NRG1: variants seen among roughly 807,000 people sequenced by gnomAD.
NRG1 encodes neuregulin 1, also known as pro-neuregulin-1, membrane-bound isoform.
A neutral mutation model predicts 63.8 loss-of-function variants in NRG1; 18 were observed. The ratio of observed to expected loss-of-function variants is 0.28; its 90% CI spans 0.19 to 0.42. NRG1 has a LOEUF of 0.42. NRG1 is among the 10% of genes least tolerant of loss of function. NRG1 has a pLI of 1.00. For missense variants in NRG1, 762 were observed against 814.7 expected (o/e 0.94, Z 0.79); for synonymous variants, 302 against 301.3 (o/e 1.00, Z -0.02).
intron 1 of NRG1, among the ~76,000 whole-genome samples, chr8:32,191,205 C>A (rs998843610): frequency 6.6e-6 from 1 of 152,058 alleles, no homozygotes; most frequent in African/African-American, 2.4e-5. Flanking sequence ...CTGCCTCAGC[C>A]TCCTGAGTAG....
intron 1 of NRG1, among the ~76,000 whole-genome samples, chr8:32,338,384 G>T (rs1803608212): frequency 1.3e-5 from 2 of 152,208 alleles, no homozygotes; most frequent in South Asian, 4.2e-4. Context: ...GACATGGGTT[G>T]CTTTACAATT....
intron 1 of NRG1, among the ~76,000 whole-genome samples, chr8:32,048,442 CATACATATATATATATATATATAT>C (rs1401328743): frequency 2.4e-4 from 32 of 134,856 alleles, no homozygotes; most frequent in African/African-American, 6.9e-4. Flanking sequence ...CACATATATA[CATACATATATATATATATATATAT>C]ATATATATAT....
chr8:31,799,033 C>A (rs1821502710), intron 1 of NRG1, among the ~76,000 whole-genome samples: 1 of 151,990 alleles, frequency 6.6e-6, no homozygotes, highest in African/African-American at 2.4e-5. Flanking sequence ...TTTGAAGTTT[C>A]CTAATTTATT....
In NRG1 at chr8:32,316,472, C is replaced by CAAA. The variant is rs60206972; in HGVS notation, c.38-279339_38-279337dup. Among the ~76,000 whole-genome samples, 177 of 125,248 alleles carry CAAA rather than the reference C, an allele frequency of 1.4e-3. 2 individuals are homozygous for CAAA. The highest frequency in any genetic ancestry group is 5.2e-3 in the African/African-American group (168 of 32,566). The allele number at this position is 125,248 out of a possible 152,430, so 82.2% of individuals were successfully genotyped here. A position where few individuals can be genotyped will look rare whatever the true frequency, so the allele number is the denominator to read the frequency against. On this transcript the variant is annotated intron_variant, in intron 1 of 10. Coordinates refer to the NRG1 transcript ENST00000519301. ...GACTGGTGACAGAGGGAGACTCCATCAAAAAAAAAAAAAAAAAAAGAATCC... is the reference window on the plus strand; with the variant it reads ...GACTGGTGACAGAGGGAGACTCCATCAAAAAAAAAAAAAAAAAAAAAAGAATCC...
chr8:31,824,956 A>G (rs1824392335), intron 1 of NRG1, among the ~76,000 whole-genome samples: 1 of 152,226 alleles, frequency 6.6e-6, no homozygotes, highest in African/African-American at 2.4e-5. Flanking sequence ...GAAAAACATT[A>G]AATTTAGTTA....
At chr8:32,290,547 C>T (rs566764462) in intron 1 of NRG1, among the ~76,000 whole-genome samples, 1 of 152,082 alleles carries the variant, frequency 6.6e-6, no homozygotes, top group Non-Finnish European at 1.5e-5. Flanking sequence ...GACCTCCTCT[C>T]CTGAATGAGA....
rs1585843994 is a variant in NRG1 at position 31,711,912 on chromosome 8, C to T, written c.37+72481C>T. The stretch of plus-strand genomic sequence containing the variant: ...GTAGTCCCATGCTTAAAGGCTCTGC[C>T]CACATGACCTAATCACCTCCCAAAG... On this transcript the variant is annotated intron_variant, in intron 1 of 10. Transcript: ENST00000519301. 3.9e-5 allele frequency among the ~76,000 whole-genome samples: 6 copies of T among 152,226 alleles called. No individual in the cohort carries two copies. In the South Asian group the frequency reaches 1.2e-3, roughly 32 times the overall value.
At chr8:32,174,937 T>C (rs1840530595) in intron 1 of NRG1, among the ~76,000 whole-genome samples, 1 of 152,310 alleles carries the variant, frequency 6.6e-6, no homozygotes, top group South Asian at 2.1e-4. Flanking sequence ...TCTGAAACTA[T>C]TCCAATCAAT....
rs1055347922 is a variant in NRG1 at position 32,722,045 on chromosome 8, A to G, written c.503-5904A>G. 5.2e-6 allele frequency: 8 copies of G among 1,545,654 alleles called. No individual in the cohort carries two copies. In the Admixed American group the frequency reaches 6.0e-5, roughly 12 times the overall value. On this transcript the variant is annotated intron_variant, in intron 5 of 11. Transcript: ENST00000356819. Reference sequence around the variant, plus strand: ...CATAAGCATTGAAGATATTACAGGTAAGGTTAAAAAAAATCTGTAATTTTG... The same window carrying G: ...CATAAGCATTGAAGATATTACAGGTGAGGTTAAAAAAAATCTGTAATTTTG...
chr8:32,607,647 A>G (rs1274234188), intron 3 of NRG1, among the ~76,000 whole-genome samples: 1 of 152,148 alleles, frequency 6.6e-6, no homozygotes, highest in African/African-American at 2.4e-5. Flanking sequence ...CATAGGAAAA[A>G]CAGCTAATTC....
chr8:32,508,891 T>G lies in NRG1; in HGVS notation c.38-86937T>G, dbSNP rs1022459129. Reference sequence around the variant, plus strand: ...GCTGGACTATAGGCACACACCACCATGCCCAAATAATTTTTATATTCTTAG... The same window carrying G: ...GCTGGACTATAGGCACACACCACCAGGCCCAAATAATTTTTATATTCTTAG... On this transcript the variant is annotated intron_variant, in intron 1 of 10. Transcript: ENST00000519301. 2.0e-5 allele frequency among the ~76,000 whole-genome samples: 3 copies of G among 151,772 alleles called. No individual in the cohort carries two copies. The East Asian group carries it at 5.9e-4, about 30-fold the overall frequency.
At chr8:32,554,871 C>T (rs1834810621) in intron 1 of NRG1, among the ~76,000 whole-genome samples, 1 of 151,748 alleles carries the variant, frequency 6.6e-6, no homozygotes, top group Admixed American at 6.6e-5. Context: ...CCAGAGGGTG[C>T]TCCAGGAGCA....
chr8:32,339,648 T>G (rs1339479308), intron 1 of NRG1, among the ~76,000 whole-genome samples: 2 of 152,192 alleles, frequency 1.3e-5, no homozygotes, highest in Non-Finnish European at 2.9e-5. Context: ...TCTAATTTAA[T>G]CTGTACAACC....
In NRG1 at chr8:32,301,399, C is replaced by T. The variant is rs144669357; in HGVS notation, c.38-294429C>T. ...GAGGCAATAAAATCACATCAATGGTCGGTTACAAATGAAGTCATCCAGTTG... is the reference window on the plus strand; with the variant it reads ...GAGGCAATAAAATCACATCAATGGTTGGTTACAAATGAAGTCATCCAGTTG... On this transcript the variant is annotated intron_variant, in intron 1 of 10. Transcript: ENST00000519301. Among the ~76,000 whole-genome samples, 303 of 152,232 alleles carry T rather than the reference C, an allele frequency of 2.0e-3. 4 individuals are homozygous for T. The highest frequency in any genetic ancestry group is 0.014 in the East Asian group (71 of 5,178).
chr8:32,675,227 T>C (rs1806769435), intron 5 of NRG1, among the ~76,000 whole-genome samples: 1 of 152,230 alleles, frequency 6.6e-6, no homozygotes, highest in Non-Finnish European at 1.5e-5. Context: ...AGCTGTATAT[T>C]TTTTTCTTGA....
At chr8:31,691,502 G>T (rs1028879715) in intron 1 of NRG1, among the ~76,000 whole-genome samples, 1 of 147,378 alleles carries the variant, frequency 6.8e-6, no homozygotes, top group Non-Finnish European at 1.5e-5. Flanking sequence ...GGCTGAGGCG[G>T]GAGAACGGCA....
intron 1 of NRG1, among the ~76,000 whole-genome samples, chr8:31,771,669 A>G (rs574850153): frequency 6.6e-6 from 1 of 152,314 alleles, no homozygotes; most frequent in South Asian, 2.1e-4. Context: ...TTACCAAATC[A>G]TGAGGAGTGC....
At chr8:31,872,303 C>G (rs907857180) in intron 1 of NRG1, among the ~76,000 whole-genome samples, 4 of 152,074 alleles carry the variant, frequency 2.6e-5, no homozygotes, top group African/African-American at 9.7e-5. Flanking sequence ...CCACTTTTAT[C>G]CTTTTACCAT....
chr8:32,301,944 G>A (rs983553941), intron 1 of NRG1, among the ~76,000 whole-genome samples: 5 of 152,102 alleles, frequency 3.3e-5, no homozygotes, highest in Admixed American at 2.0e-4. Context: ...AGAAGGGTGC[G>A]GTGTGCTGAA....
Sources: allele counts gnomAD v4.1 joint callset (sites outside exome capture counted in the v4.1 genomes callset), GRCh38; gene constraint gnomAD v4.1.1; transcripts MANE v1.5; gene names NCBI Gene and HGNC (gene_info 2026-07-23, HGNC 2026-07-21).